The following AOPEP variants were observed in gnomAD, a reference collection of about 807,000 sequenced individuals.
The protein encoded by AOPEP is aminopeptidase O (putative).
A neutral mutation model predicts 98.1 loss-of-function variants in AOPEP; 77 were observed. That is an observed-to-expected ratio of 0.78 (90% CI 0.65 to 0.95). AOPEP has a LOEUF of 0.95. AOPEP is among the 40% of genes least tolerant of loss of function. The pLI is 0.00. For synonymous variants in AOPEP, 346 were observed against 365.3 expected, an observed-to-expected ratio of 0.95 and a Z score of 0.60; for missense variants, 1,024 against 1,024.7, an observed-to-expected ratio of 1.00 and a Z score of 0.01.
chr9:94,938,136 G>C (rs1564414081), intron 7 of AOPEP, among the ~76,000 whole-genome samples: 3 of 152,354 alleles, frequency 2.0e-5, no homozygotes, highest in East Asian at 3.9e-4. Flanking sequence ...GCCTCCCAAA[G>C]TGCTGGGATT....
chr9:94,825,402 C>T (rs907526713), intron 5 of AOPEP, among the ~76,000 whole-genome samples: 7 of 152,208 alleles, frequency 4.6e-5, no homozygotes, highest in African/African-American at 1.2e-4. Context: ...TAGCCAGTCC[C>T]GGAATTTCTT....
chr9:94,916,178 G>C (rs1036277042), intron 5 of AOPEP, among the ~76,000 whole-genome samples: 1 of 152,168 alleles, frequency 6.6e-6, no homozygotes, highest in African/African-American at 2.4e-5. Flanking sequence ...CACAGTGGAG[G>C]CTAATTTTAT....
chr9:94,846,782 T>C (rs1323969844), intron 5 of AOPEP, among the ~76,000 whole-genome samples: 4 of 152,154 alleles, frequency 2.6e-5, no homozygotes, highest in Admixed American at 2.6e-4. Context: ...TGGTGGTGTG[T>C]ACATGTGTTC....
intron 13 of AOPEP, among the ~76,000 whole-genome samples, chr9:95,053,667 C>A (rs1018856184): frequency 1.3e-5 from 2 of 151,942 alleles, no homozygotes; most frequent in East Asian, 3.9e-4. Flanking sequence ...AAGTATATTA[C>A]GTACACTGTT....
At chr9:95,070,129 C>T (rs984831900) in intron 14 of AOPEP, among the ~76,000 whole-genome samples, 7 of 152,326 alleles carry the variant, frequency 4.6e-5, no homozygotes, top group South Asian at 2.1e-4. Context: ...AGCAGGTAGA[C>T]GGCCTCCACC....
chr9:95,107,580 G>T, the AOPEP span: 1 of 473,394 alleles, frequency 2.1e-6, no homozygotes, highest in Non-Finnish European at 3.9e-6. Context: ...TTATATTGTG[G>T]GAAAAAGAAC....
chr9:95,135,739 T>C, the AOPEP span, among the ~76,000 whole-genome samples: 2 of 152,016 alleles, frequency 1.3e-5, no homozygotes, highest in African/African-American at 4.8e-5. Flanking sequence ...AGGAAAAAAA[T>C]TGCTTTCAAA....
At chr9:94,784,285 T>C (rs1019844854) in intron 3 of AOPEP, among the ~76,000 whole-genome samples, 3 of 152,242 alleles carry the variant, frequency 2.0e-5, no homozygotes, top group African/African-American at 7.2e-5. Context: ...AAATTTCTTA[T>C]TTAATTTACT....
At chr9:95,073,864 CA>C (rs2068765455) in intron 14 of AOPEP, among the ~76,000 whole-genome samples, 1 of 151,852 alleles carries the variant, frequency 6.6e-6, no homozygotes, top group Non-Finnish European at 1.5e-5. Context: ...TCTCAAAAAA[CA>C]AAAAACAAAG....
intron 13 of AOPEP, among the ~76,000 whole-genome samples, chr9:95,042,325 TA>T (rs2065399311): frequency 2.0e-5 from 3 of 150,174 alleles, no homozygotes; most frequent in Non-Finnish European, 1.5e-5. Context: ...AATAAATAAA[TA>T]AATAAATAAA....
intron 1 of AOPEP, among the ~76,000 whole-genome samples, chr9:94,741,916 C>G (rs913963580): frequency 2.0e-5 from 3 of 152,120 alleles, no homozygotes; most frequent in African/African-American, 7.2e-5. Flanking sequence ...TGATTAAATG[C>G]TAGGCCTGGA....
At chr9:94,821,165 C>CT (rs5899234) in intron 5 of AOPEP, among the ~76,000 whole-genome samples, 118,757 of 151,968 alleles carry the variant, frequency 0.78, 47,878 homozygotes, top group Non-Finnish European at 0.89. Context: ...ATTATTTATG[C>CT]TTTTTTGGGC....
downstream of AOPEP, among the ~76,000 whole-genome samples, chr9:95,091,091 G>T (rs994442311): frequency 2.0e-5 from 3 of 152,218 alleles, no homozygotes; most frequent in Non-Finnish European, 2.9e-5. Flanking sequence ...CTCACCAAAG[G>T]CAGCTGTGAC....
chr9:95,021,858 T>G (rs1019553390), intron 13 of AOPEP: 1 of 152,154 alleles, frequency 6.6e-6, no homozygotes, highest in South Asian at 2.1e-4. Context: ...AGAGGCTCAG[T>G]GGGAAGTGTA....
chr9:94,816,863 C>T (rs1258716427), intron 5 of AOPEP, among the ~76,000 whole-genome samples: 2 of 152,178 alleles, frequency 1.3e-5, no homozygotes, highest in African/African-American at 2.4e-5. Flanking sequence ...GTTCCTGCAA[C>T]GGTCAAGGTT....
the AOPEP span, chr9:95,126,845 T>G: frequency 2.2e-6 from 1 of 456,902 alleles, no homozygotes; most frequent in African/African-American, 2.0e-5. Flanking sequence ...GCTCAGGCGA[T>G]CCATAATACA....
At chr9:95,111,156 C>T in the AOPEP span, 22 of 1,535,168 alleles carry the variant, frequency 1.4e-5, no homozygotes, top group African/African-American at 1.2e-4. Flanking sequence ...CCTTGGAGGA[C>T]GCGACCCTGG....
chr9:94,855,356 G>C (rs2044051498), intron 5 of AOPEP, among the ~76,000 whole-genome samples: 1 of 152,226 alleles, frequency 6.6e-6, no homozygotes, highest in East Asian at 1.9e-4. Flanking sequence ...GGGATTACAA[G>C]TGTGAGCCAT....
intron 16 of AOPEP, chr9:95,086,293 C>T (rs2070689610): frequency 1.0e-6 from 1 of 985,288 alleles, no homozygotes; most frequent in African/African-American, 1.7e-5. Flanking sequence ...TTAAGAGCTC[C>T]CAGGCCTGAA....
Sources: allele counts gnomAD v4.1 joint callset (sites outside exome capture counted in the v4.1 genomes callset), GRCh38; gene constraint gnomAD v4.1.1; transcripts MANE v1.5; gene names NCBI Gene and HGNC (gene_info 2026-07-23, HGNC 2026-07-21).